Variants in SUGCT observed in about 807,000 individuals in gnomAD.
The protein encoded by SUGCT is succinyl-CoA:glutarate CoA-transferase.
In SUGCT, 41 loss-of-function variants were observed where a neutral mutation model predicts 55.0. That is an observed-to-expected ratio of 0.74 (90% CI 0.58 to 0.97). SUGCT has a LOEUF of 0.97. Ranked by LOEUF, SUGCT falls within the 50% of genes least tolerant of loss-of-function variation. The probability of loss-of-function intolerance (pLI) is 0.00; values close to 1 mark genes in which losing one functional copy is unlikely to be tolerated. For synonymous variants in SUGCT, 187 were observed against 200.4 expected (o/e 0.93, Z 0.56); for missense variants, 568 against 547.8 (o/e 1.04, Z -0.37).
In SUGCT at chr7:40,594,254, A is replaced by T. The variant is rs1278702376; in HGVS notation, c.1089+97868A>T. Among the ~76,000 whole-genome samples, 3 of 152,014 alleles carry T rather than the reference A, an allele frequency of 2.0e-5. No individual in the cohort carries two copies. The East Asian group carries it at 5.8e-4, about 29-fold the overall frequency. On this transcript the variant is annotated intron_variant, in intron 12 of 13. Coordinates refer to ENST00000335693, the MANE Select transcript of SUGCT (RefSeq NM_001193313.2). ...GACGAGTTAGTGGGTGCAGCGCACCAGCATGGCACATGTATACATATGTAA... is the reference window on the plus strand; with the variant it reads ...GACGAGTTAGTGGGTGCAGCGCACCTGCATGGCACATGTATACATATGTAA...
chr7:40,385,054 A>T (rs1346680654), intron 9 of SUGCT, among the ~76,000 whole-genome samples: 1 of 152,336 alleles, frequency 6.6e-6, no homozygotes, highest in South Asian at 2.1e-4. Flanking sequence ...AGTATGGAAG[A>T]TAAAGGCGAG....
intron 11 of SUGCT, among the ~76,000 whole-genome samples, chr7:40,491,877 C>A (rs1381479062): frequency 6.6e-6 from 1 of 152,060 alleles, no homozygotes; most frequent in African/African-American, 2.4e-5. Flanking sequence ...GTAATCCCAG[C>A]TATCTGGGAG....
At chr7:40,555,643 G>A (rs1795520921) in intron 12 of SUGCT, among the ~76,000 whole-genome samples, 1 of 152,156 alleles carries the variant, frequency 6.6e-6, no homozygotes, top group Non-Finnish European at 1.5e-5. Context: ...GATTCAGTAG[G>A]TCTTGTGTGG....
At chr7:40,233,018 T>C (rs1198330587) in intron 6 of SUGCT, among the ~76,000 whole-genome samples, 1 of 152,142 alleles carries the variant, frequency 6.6e-6, no homozygotes, top group Admixed American at 6.6e-5. Context: ...TATTAATGAA[T>C]AATTTCATTC....
rs34615423 is a variant in SUGCT at position 40,253,569 on chromosome 7, A to ATT, written c.576+15853_576+15854dup. Reference sequence around the variant, plus strand: ...TGATCGAATGTGTAAATATATTTACATTTTTTTTTTTGAGGCGGAGCCTCG... The same window carrying ATT: ...TGATCGAATGTGTAAATATATTTACATTTTTTTTTTTTTGAGGCGGAGCCTCG... On this transcript the variant is annotated intron_variant, in intron 7 of 13. Coordinates refer to ENST00000335693, the MANE Select transcript of SUGCT (RefSeq NM_001193313.2). 1.6e-4 allele frequency among the ~76,000 whole-genome samples: 24 copies of ATT among 150,450 alleles called. 1 individual carries two copies. Among genetic ancestry groups the ATT allele is most frequent in the Admixed American group, 2.6e-4 (4 of 15,114 alleles).
chr7:40,187,066 A>G (rs553963762), intron 3 of SUGCT, among the ~76,000 whole-genome samples: 1 of 152,320 alleles, frequency 6.6e-6, no homozygotes, highest in South Asian at 2.1e-4. Flanking sequence ...CTGGATTAAG[A>G]AAATGTGGCA....
chr7:40,561,684 G>C (rs1219546894), intron 12 of SUGCT, among the ~76,000 whole-genome samples: 1 of 146,480 alleles, frequency 6.8e-6, no homozygotes, highest in African/African-American at 2.6e-5. Flanking sequence ...TGCTTAAGCC[G>C]AGTCTTTTTT....
chr7:40,520,471 C>A (rs1174030103), intron 12 of SUGCT, among the ~76,000 whole-genome samples: 1 of 151,950 alleles, frequency 6.6e-6, no homozygotes, highest in Non-Finnish European at 1.5e-5. Flanking sequence ...ATCTTAACAT[C>A]AAGAGAAATA....
chr7:40,922,116 A>T, the SUGCT span, among the ~76,000 whole-genome samples: 1 of 152,156 alleles, frequency 6.6e-6, no homozygotes, highest in Non-Finnish European at 1.5e-5. Flanking sequence ...TGCTATGAGG[A>T]GAGACACTTG....
intron 6 of SUGCT, among the ~76,000 whole-genome samples, chr7:40,224,526 G>A (rs1045991844): frequency 1.3e-5 from 2 of 151,936 alleles, no homozygotes; most frequent in African/African-American, 4.8e-5. Flanking sequence ...CTTTGAAATT[G>A]TAGACTCCAT....
chr7:40,172,209 C>A (rs1267416397), intron 1 of SUGCT, among the ~76,000 whole-genome samples: 1 of 151,998 alleles, frequency 6.6e-6, no homozygotes, highest in Non-Finnish European at 1.5e-5. Flanking sequence ...GCCAAGGAGC[C>A]GAGGCTTGGA....
At chr7:40,578,404 A>G (rs1170888301) in intron 12 of SUGCT, among the ~76,000 whole-genome samples, 2 of 152,078 alleles carry the variant, frequency 1.3e-5, no homozygotes, top group Middle Eastern at 3.4e-3. Context: ...CTTGCCTTCT[A>G]TTTAATGGGT....
At chr7:41,000,278 G>A in the SUGCT span, among the ~76,000 whole-genome samples, 10 of 151,856 alleles carry the variant, frequency 6.6e-5, no homozygotes, top group East Asian at 5.8e-4. Flanking sequence ...ACACACACAC[G>A]CACGGACACA....
chr7:40,366,046 G>A (rs1005707532), intron 9 of SUGCT, among the ~76,000 whole-genome samples: 19 of 152,144 alleles, frequency 1.2e-4, no homozygotes, highest in African/African-American at 4.3e-4. Context: ...AAACAGCATG[G>A]TACTGGTACC....
chr7:40,738,493 T>C lies in SUGCT; in HGVS notation c.1090-10941T>C, dbSNP rs75036077. On this transcript the variant is annotated intron_variant, in intron 12 of 13. Coordinates refer to ENST00000335693, the MANE Select transcript of SUGCT (RefSeq NM_001193313.2). ...TAAAAACTTAGAAAGGTTGCATATA[T>C]ATAGGTTAAAAATGATGTTTGAAGA... Among the ~76,000 whole-genome samples, 316 of 152,320 alleles carry C rather than the reference T, an allele frequency of 2.1e-3. 2 individuals are homozygous for C. Among genetic ancestry groups the C allele is most frequent in the African/African-American group, 7.3e-3 (305 of 41,574 alleles).
chr7:40,787,762 G>C (rs558681091), intron 13 of SUGCT, among the ~76,000 whole-genome samples: 105 of 148,396 alleles, frequency 7.1e-4, no homozygotes, highest in African/African-American at 2.5e-3. Context: ...TGTTTAGACA[G>C]TAACCTCCCT....
chr7:40,964,431 G>C, the SUGCT span, among the ~76,000 whole-genome samples: 1 of 152,202 alleles, frequency 6.6e-6, no homozygotes, highest in East Asian at 1.9e-4. Context: ...ACAAGTCTCT[G>C]AGACCCAGAT....
At chr7:41,012,588 G>T in the SUGCT span, among the ~76,000 whole-genome samples, 11 of 152,242 alleles carry the variant, frequency 7.2e-5, no homozygotes, top group East Asian at 2.1e-3. Flanking sequence ...AGGCCTCCAT[G>T]GTGAATTCAT....
intron 12 of SUGCT, among the ~76,000 whole-genome samples, chr7:40,558,108 A>C (rs1583978731): frequency 6.6e-6 from 1 of 151,918 alleles, no homozygotes; most frequent in East Asian, 1.9e-4. Flanking sequence ...CAAAAAAAAA[A>C]AAACCAGAAA....
Sources: allele counts gnomAD v4.1 joint callset (sites outside exome capture counted in the v4.1 genomes callset), GRCh38; gene constraint gnomAD v4.1.1; transcripts MANE v1.5; gene names NCBI Gene and HGNC (gene_info 2026-07-23, HGNC 2026-07-21).